The following CHAF1A variants were observed in gnomAD, a reference collection of about 807,000 sequenced individuals.
CHAF1A encodes the protein CAF-1 subunit A.
In CHAF1A, 5 loss-of-function variants were observed where a neutral mutation model predicts 93.2. The ratio of observed to expected loss-of-function variants is 0.05; its 90% CI spans 0.03 to 0.11. The LOEUF is 0.11. Among genes scored for constraint, CHAF1A ranks in the 10% least tolerant of loss-of-function variants. CHAF1A has a pLI of 1.00. For synonymous variants in CHAF1A, 504 were observed against 510.3 expected, an observed-to-expected ratio of 0.99 and a Z score of 0.17; for missense variants, 1,102 against 1,259.9, an observed-to-expected ratio of 0.87 and a Z score of 1.90.
At chr19:4,408,482 T>TTTTTTTTTA (rs1973726430) in intron 2 of CHAF1A, among the ~76,000 whole-genome samples, 1 of 119,270 alleles carries the variant, frequency 8.4e-6, no homozygotes, top group Non-Finnish European at 1.7e-5. Context: ...TTTTTTTTTT[T>TTTTTTTTTA]TTTTTTTTTG....
intron 3 of CHAF1A, among the ~76,000 whole-genome samples, chr19:4,414,747 T>A (rs1181384903): frequency 2.0e-5 from 3 of 152,218 alleles, no homozygotes; most frequent in African/African-American, 7.2e-5. Context: ...AAATGATTGT[T>A]CCCTTGAGCT....
chr19:4,438,481 G>C (rs1370123468), intron 13 of CHAF1A, among the ~76,000 whole-genome samples: 1 of 151,988 alleles, frequency 6.6e-6, no homozygotes, highest in Non-Finnish European at 1.5e-5. Context: ...TTACAGACCT[G>C]AGCCAGGGAG....
chr19:4,407,307 A>G (rs1181252199), intron 2 of CHAF1A, among the ~76,000 whole-genome samples: 2 of 150,746 alleles, frequency 1.3e-5, no homozygotes, highest in Non-Finnish European at 3.0e-5. Flanking sequence ...AAAAGATGCA[A>G]TGGCATTGAA....
chr19:4,414,408 AAAAC>A (rs1265052232), intron 3 of CHAF1A, among the ~76,000 whole-genome samples: 1 of 151,812 alleles, frequency 6.6e-6, no homozygotes, highest in East Asian at 1.9e-4. Context: ...AAAAAAAAAA[AAAAC>A]AAAAAGGAAA....
chr19:4,421,657 C>T (rs1482961415), intron 4 of CHAF1A, among the ~76,000 whole-genome samples: 2 of 152,078 alleles, frequency 1.3e-5, no homozygotes, highest in African/African-American at 2.4e-5. Context: ...GTGCTTATAG[C>T]CCCTGCTACT....
downstream of CHAF1A, chr19:4,448,285 G>A (rs757451645): frequency 2.4e-5 from 37 of 1,558,946 alleles, no homozygotes; most frequent in African/African-American, 4.6e-4. Flanking sequence ...TGAGCTGGAG[G>A]GGCCAGGCAG....
intron 7 of CHAF1A, among the ~76,000 whole-genome samples, chr19:4,426,446 G>A (rs1226240056): frequency 6.6e-6 from 1 of 151,958 alleles, no homozygotes. Context: ...GGGATTACAG[G>A]TGTGAGCCAC....
intron 12 of CHAF1A, among the ~76,000 whole-genome samples, chr19:4,432,776 CAAA>C (rs1171431516): frequency 1.3e-5 from 2 of 149,488 alleles, no homozygotes; most frequent in African/African-American, 2.4e-5. Context: ...AAAAAAAACT[CAAA>C]AAACTGGGGA....
downstream of CHAF1A, chr19:4,445,442 G>C (rs977661766): frequency 6.8e-6 from 11 of 1,607,194 alleles, no homozygotes; most frequent in Non-Finnish European, 1.7e-6. Context: ...GGCGGGGAGA[G>C]GAACAGGGAG....
Position 4,442,171 on chromosome 19 carries a change from T to TC in CHAF1A, c.2674-68dup, listed in dbSNP as rs200923552. On this transcript the variant is annotated intron_variant, in intron 13 of 14. Coordinates refer to ENST00000301280, the MANE Select transcript of CHAF1A (RefSeq NM_005483.3). ...GAGGAAGGTGTCACACCTGTGGAGT[T>TC]CCCCCCGCTACCGCACTGGCACCAG... 1.0e-3 allele frequency: 1,226 copies of TC among 1,229,598 alleles called. 8 individuals are homozygous for TC. The East Asian group carries it at 0.021, about 21-fold the overall frequency. 76.2% of individuals were successfully genotyped at this position (1,229,598 alleles called of 1,614,324 possible).
downstream of CHAF1A, chr19:4,448,233 G>C: frequency 8.0e-7 from 1 of 1,243,046 alleles, no homozygotes; most frequent in East Asian, 2.5e-5. Context: ...GGTAATGAGG[G>C]GGCCAGAGGG....
At chr19:4,438,445 T>G (rs1450180636) in intron 13 of CHAF1A, among the ~76,000 whole-genome samples, 1 of 151,734 alleles carries the variant, frequency 6.6e-6, no homozygotes, top group African/African-American at 2.4e-5. Context: ...GCAATCCACC[T>G]GCCTCGGCCT....
intron 1 of CHAF1A, among the ~76,000 whole-genome samples, chr19:4,404,818 CTGCT>C (rs386806122): frequency 0.33 from 49,854 of 151,854 alleles, 8,625 homozygotes; most frequent in East Asian, 0.59. Flanking sequence ...TTTATGATCA[CTGCT>C]GCATCTGCTT....
downstream of CHAF1A, chr19:4,448,289 C>A: frequency 6.4e-7 from 1 of 1,572,214 alleles, no homozygotes. Flanking sequence ...CTGGAGGGGC[C>A]AGGCAGGGCA....
At chr19:4,405,536 A>C (rs1186141559) in intron 1 of CHAF1A, among the ~76,000 whole-genome samples, 1 of 150,266 alleles carries the variant, frequency 6.7e-6, no homozygotes, top group East Asian at 2.0e-4. Context: ...TGAACCCAGG[A>C]GGCGGAGGTT....
intron 3 of CHAF1A, among the ~76,000 whole-genome samples, chr19:4,417,750 C>G (rs984127795): frequency 2.8e-4 from 43 of 152,150 alleles, no homozygotes; most frequent in African/African-American, 1.0e-3. Context: ...CGTTAGCCAC[C>G]GCGCCCAGCC....
intron 7 of CHAF1A, among the ~76,000 whole-genome samples, chr19:4,424,246 G>A (rs1056352395): frequency 1.3e-5 from 2 of 152,090 alleles, no homozygotes; most frequent in East Asian, 1.9e-4. Flanking sequence ...CCTGCCTGGC[G>A]TCGGTCACCT....
chr19:4,418,463 T>C (rs1313070736), intron 4 of CHAF1A, among the ~76,000 whole-genome samples: 1 of 142,084 alleles, frequency 7.0e-6, no homozygotes, highest in Non-Finnish European at 1.5e-5. Flanking sequence ...CCACCCAGGC[T>C]GGGGTGCAGT....
downstream of CHAF1A, chr19:4,445,460 GAC>G (rs1974486541): frequency 6.2e-7 from 1 of 1,612,924 alleles, no homozygotes; most frequent in African/African-American, 1.3e-5. Context: ...GAGAGCATGA[GAC>G]AGACCCACAG....
Sources: gnomAD v4.1 joint callset for allele counts (sites outside exome capture counted in the v4.1 genomes callset) on GRCh38, gnomAD v4.1.1 for gene constraint, MANE v1.5 for transcripts, NCBI Gene and HGNC (gene_info 2026-07-23, HGNC 2026-07-21) for gene names.